Variants in CHD6 observed in about 807,000 individuals in gnomAD.
CHD6 encodes ATP-dependent chromatin remodeler CHD6.
In CHD6, 50 loss-of-function variants were observed where a neutral mutation model predicts 276.9. That is an observed-to-expected ratio of 0.18 (90% CI 0.14 to 0.23). CHD6 has a LOEUF of 0.23. Among genes scored for constraint, CHD6 ranks in the 10% least tolerant of loss-of-function variants. The probability of loss-of-function intolerance (pLI) is 1.00; values close to 1 mark genes in which losing one functional copy is unlikely to be tolerated. For synonymous variants in CHD6, 1,173 were observed against 1,229.3 expected, an observed-to-expected ratio of 0.95 and a Z score of 0.96; for missense variants, 2,564 against 3,365.8, an observed-to-expected ratio of 0.76 and a Z score of 5.89.
intron 15 of CHD6, among the ~76,000 whole-genome samples, chr20:41,483,841 A>G (rs997994214): frequency 1.3e-5 from 2 of 152,204 alleles, no homozygotes; most frequent in African/African-American, 4.8e-5. Flanking sequence ...TTGACATCAC[A>G]AAGACTGTAA....
At chr20:41,465,680 A>G (rs2145740498) in intron 17 of CHD6, among the ~76,000 whole-genome samples, 1 of 152,354 alleles carries the variant, frequency 6.6e-6, no homozygotes, top group South Asian at 2.1e-4. Flanking sequence ...CAATCATTAT[A>G]CTACGGTTAT....
rs1464385983 is a variant in CHD6 at position 41,403,193 on chromosome 20, G to GT, written c.*1399dup. 2.2e-6 allele frequency: 2 copies of GT among 917,640 alleles called. No individual in the cohort carries two copies. The highest frequency in any genetic ancestry group is 3.5e-5 in the African/African-American group (2 of 57,778). The allele number at this position is 917,640 out of a possible 1,614,324, so 56.8% of individuals were successfully genotyped here. A position where few individuals can be genotyped will look rare whatever the true frequency, so the allele number is the denominator to read the frequency against. ...GAAAAAGTAAAAAATACAGTAAATT[G>GT]TGACAACAAAAAGTGAAACTGGTAC... On this transcript the variant is annotated 3_prime_UTR_variant, in exon 37 of 37. Transcript: ENST00000373233.
In CHD6 at chr20:41,611,802, T is replaced by A. The variant is rs376950708; in HGVS notation, c.-24+6538A>T. On this transcript the variant is annotated intron_variant, in intron 1 of 36. Coordinates refer to ENST00000373233, the MANE Select transcript of CHD6 (RefSeq NM_032221.5). Reference sequence around the variant, plus strand: ...ACAAGCACATGCCGCCATGCTTGGCTAATTTTTGTATTTTTAGTAGAGACA... The same window carrying A: ...ACAAGCACATGCCGCCATGCTTGGCAAATTTTTGTATTTTTAGTAGAGACA... Among the ~76,000 whole-genome samples the A allele has an allele frequency of 1.3e-4, 20 of 152,262 alleles. No individual in the cohort carries two copies. The East Asian group carries it at 1.7e-3, about 13-fold the overall frequency.
chr20:41,420,880 C>A lies in CHD6; in HGVS notation c.5755G>T (p.Val1919Leu). ...QDETKKGSLE[V>L]ANQTPGLQRA... ...TGTAGCCCAGGAGTCTGGTTTGCCA[C>A]CTCTAAGCTTCCTTTCTTGGTTTCA... The change falls in exon 31 of 37, where the codon GTG becomes TTG. Residue 1919 changes from valine (V) to leucine (L), a missense_variant. Val to Leu is a conservative substitution (Grantham distance 32). Coordinates refer to ENST00000373233, the MANE Select transcript of CHD6 (RefSeq NM_032221.5). 6.2e-7 allele frequency: 1 copy of A among 1,614,154 alleles called. No homozygotes were observed. Among genetic ancestry groups the A allele is most frequent in the South Asian group, 1.1e-5 (1 of 91,084 alleles).
chr20:41,432,875 G>A (rs1447015779), intron 27 of CHD6, among the ~76,000 whole-genome samples: 1 of 152,084 alleles, frequency 6.6e-6, no homozygotes, highest in African/African-American at 2.4e-5. Context: ...GAAACAGAAA[G>A]TTTCAGCAAA....
chr20:41,464,697 G>T (rs2042878304), intron 17 of CHD6, among the ~76,000 whole-genome samples: 1 of 152,170 alleles, frequency 6.6e-6, no homozygotes, highest in South Asian at 2.1e-4. Context: ...TGCACAGAGG[G>T]TCTAGAAGCA....
intron 1 of CHD6, among the ~76,000 whole-genome samples, chr20:41,579,728 A>C (rs2045516061): frequency 6.6e-6 from 1 of 152,198 alleles, no homozygotes; most frequent in African/African-American, 2.4e-5. Flanking sequence ...TACCAAACTG[A>C]ACTTTTCCAA....
At chr20:41,487,542 AG>A in intron 14 of CHD6, 122 bp downstream of exon 14, 4 of 899,704 alleles carry the variant, frequency 4.4e-6, no homozygotes, top group Non-Finnish European at 6.8e-6. Flanking sequence ...AAAATAAAGG[AG>A]GTAACGCTCA....
chr20:41,558,057 C>T (rs1335875802), intron 1 of CHD6, among the ~76,000 whole-genome samples: 2 of 152,126 alleles, frequency 1.3e-5, no homozygotes, highest in Non-Finnish European at 2.9e-5. Flanking sequence ...AGGAATGCCA[C>T]CTTCCTTAAA....
intron 25 of CHD6, among the ~76,000 whole-genome samples, chr20:41,444,862 C>A (rs2048015898): frequency 6.6e-6 from 1 of 151,932 alleles, no homozygotes; most frequent in Non-Finnish European, 1.5e-5. Flanking sequence ...TGCCCAATGT[C>A]ACACATTTTA....
At chr20:41,457,175 G>C in intron 18 of CHD6, 89 bp downstream of exon 18, 1 of 1,459,942 alleles carries the variant, frequency 6.8e-7, no homozygotes, top group Non-Finnish European at 9.3e-7. Flanking sequence ...CAGCGAAAGT[G>C]AACCCTTAAA....
intron 14 of CHD6, among the ~76,000 whole-genome samples, chr20:41,485,012 G>A (rs753915917): frequency 3.3e-5 from 5 of 152,140 alleles, no homozygotes; most frequent in Non-Finnish European, 5.9e-5. Flanking sequence ...AAACTTAGAC[G>A]CTGAGAGAAT....
chr20:41,591,287 C>A (rs1032931104), intron 1 of CHD6, among the ~76,000 whole-genome samples: 6 of 151,430 alleles, frequency 4.0e-5, no homozygotes, highest in African/African-American at 7.3e-5. Flanking sequence ...GTACAGCACA[C>A]CAACATGGCA....
chr20:41,417,700 G>A (rs2047046833), intron 31 of CHD6, among the ~76,000 whole-genome samples: 1 of 152,182 alleles, frequency 6.6e-6, no homozygotes, highest in African/African-American at 2.4e-5. Context: ...AGGGAAAGCT[G>A]AACATTCTAA....
chr20:41,433,450 C>T (rs977995237), intron 27 of CHD6, among the ~76,000 whole-genome samples: 5 of 152,110 alleles, frequency 3.3e-5, no homozygotes, highest in Non-Finnish European at 7.3e-5. Flanking sequence ...AAGCAAGCGG[C>T]AGTACCTTAA....
At chr20:41,558,456 A>T (rs1354002545) in intron 1 of CHD6, among the ~76,000 whole-genome samples, 1 of 152,212 alleles carries the variant, frequency 6.6e-6, no homozygotes, top group Non-Finnish European at 1.5e-5. Flanking sequence ...CTCCAGTGTC[A>T]CAGGAAGAAG....
intron 15 of CHD6, 42 bp downstream of exon 15, chr20:41,484,310 G>GTCA: frequency 6.2e-7 from 1 of 1,610,072 alleles, no homozygotes; most frequent in Non-Finnish European, 8.5e-7. Context: ...TCTCGCAGAG[G>GTCA]TCATGGCAGT....
At chr20:41,532,764 G>A (rs1018397298) in intron 3 of CHD6, among the ~76,000 whole-genome samples, 1 of 152,174 alleles carries the variant, frequency 6.6e-6, no homozygotes, top group Non-Finnish European at 1.5e-5. Flanking sequence ...GAATGGTTGG[G>A]GTCTGAAGGG....
chr20:41,406,620 T>C (rs1214120884), intron 36 of CHD6, among the ~76,000 whole-genome samples: 1 of 152,172 alleles, frequency 6.6e-6, no homozygotes, highest in Non-Finnish European at 1.5e-5. Flanking sequence ...ACCACTGCAA[T>C]TACGATGGAT....
Sources: allele counts gnomAD v4.1 joint callset (sites outside exome capture counted in the v4.1 genomes callset), GRCh38; gene constraint gnomAD v4.1.1; transcripts MANE v1.5; gene names NCBI Gene and HGNC (gene_info 2026-07-23, HGNC 2026-07-21).